FGF12: variants seen among roughly 807,000 people sequenced by gnomAD.
The protein encoded by FGF12 is fibroblast growth factor 12B.
In FGF12, 14 loss-of-function variants were observed where a neutral mutation model predicts 23.6. That is an observed-to-expected ratio of 0.59 (90% CI 0.39 to 0.93). The LOEUF is 0.93. Among genes scored for constraint, FGF12 ranks in the 40% least tolerant of loss-of-function variants. FGF12 has a pLI of 0.00. For synonymous variants in FGF12, 62 were observed against 77.3 expected (o/e 0.80, Z 1.04); for missense variants, 175 against 217.8 (o/e 0.80, Z 1.24).
At chr3:192,602,024 T>C (rs1361207788) in intron 2 of FGF12, among the ~76,000 whole-genome samples, 4 of 152,124 alleles carry the variant, frequency 2.6e-5, no homozygotes, top group African/African-American at 7.2e-5. Context: ...TAAAGGTGGA[T>C]ACATGTCATT....
chr3:192,422,456 G>T (rs1186234349), intron 2 of FGF12, among the ~76,000 whole-genome samples: 1 of 152,074 alleles, frequency 6.6e-6, no homozygotes, highest in East Asian at 1.9e-4. Flanking sequence ...GTTAACTAAA[G>T]TGAAAAGAGC....
At chr3:192,659,706 G>A (rs9824137) in intron 2 of FGF12, among the ~76,000 whole-genome samples, 3 of 151,824 alleles carry the variant, frequency 2.0e-5, no homozygotes, top group Non-Finnish European at 2.9e-5. Context: ...GTTCTAGATC[G>A]TTGAGGAATC....
chr3:192,691,676 G>C (rs1435134234), intron 2 of FGF12, among the ~76,000 whole-genome samples: 3 of 151,748 alleles, frequency 2.0e-5, no homozygotes, highest in Non-Finnish European at 2.9e-5. Context: ...AAGAAAAAAA[G>C]TAATAAAGCT....
chr3:192,147,688 C>T (rs565352081), intron 5 of FGF12, among the ~76,000 whole-genome samples: 1 of 152,164 alleles, frequency 6.6e-6, no homozygotes, highest in African/African-American at 2.4e-5. Context: ...AATTAAGCCA[C>T]TTCCATAAAG....
At chr3:192,666,535 G>A (rs1716878601) in intron 2 of FGF12, among the ~76,000 whole-genome samples, 1 of 152,154 alleles carries the variant, frequency 6.6e-6, no homozygotes, top group Non-Finnish European at 1.5e-5. Context: ...GAAACACAGG[G>A]CTCACCTATT....
rs941819544 is a variant in FGF12 at position 192,561,702 on chromosome 3, T to C, written c.13+165479A>G. Among the ~76,000 whole-genome samples the C allele has an allele frequency of 4.6e-5, 7 of 152,262 alleles. No individual in the cohort carries two copies. In the East Asian group the frequency reaches 9.7e-4, roughly 21 times the overall value. Reference sequence around the variant, plus strand: ...TGAGGATACAGACCAACTGCAACTCTCATACATTGGGAGTGTACTATGTTA... The same window carrying C: ...TGAGGATACAGACCAACTGCAACTCCCATACATTGGGAGTGTACTATGTTA... On this transcript the variant is annotated intron_variant, in intron 2 of 5. Coordinates refer to ENST00000445105, the MANE Select transcript of FGF12 (RefSeq NM_004113.6).
At chr3:192,199,950 C>A (rs879503634) in intron 4 of FGF12, among the ~76,000 whole-genome samples, 3 of 152,016 alleles carry the variant, frequency 2.0e-5, no homozygotes, top group Non-Finnish European at 4.4e-5. Flanking sequence ...ATTTTCAAGT[C>A]GATTTCTTAG....
intron 4 of FGF12, among the ~76,000 whole-genome samples, chr3:192,248,722 G>T (rs1711805760): frequency 6.6e-6 from 1 of 152,216 alleles, no homozygotes; most frequent in Non-Finnish European, 1.5e-5. Context: ...CCAGGCAGCA[G>T]TGAGCGGTGA....
chr3:192,283,650 G>A (rs1174979022), intron 4 of FGF12, among the ~76,000 whole-genome samples: 5 of 151,994 alleles, frequency 3.3e-5, no homozygotes, highest in Non-Finnish European at 2.9e-5. Context: ...CAGAGAAGCC[G>A]ATTTTCAGTC....
intron 2 of FGF12, among the ~76,000 whole-genome samples, chr3:192,716,556 A>G (rs1718872908): frequency 6.6e-6 from 1 of 152,208 alleles, no homozygotes; most frequent in African/African-American, 2.4e-5. Context: ...ACAGATAAAA[A>G]TGAGCAAAAT....
chr3:192,711,656 G>A (rs571019152), intron 2 of FGF12, among the ~76,000 whole-genome samples: 4 of 152,118 alleles, frequency 2.6e-5, no homozygotes, highest in South Asian at 2.1e-4. Flanking sequence ...CCCCCAACCC[G>A]GTGCTCTCTG....
At chr3:192,298,539 G>A (rs920987138) in intron 4 of FGF12, among the ~76,000 whole-genome samples, 4 of 152,142 alleles carry the variant, frequency 2.6e-5, no homozygotes, top group African/African-American at 9.7e-5. Flanking sequence ...GATCACTTGA[G>A]GTCAGGAGTT....
At chr3:192,526,858 G>A (rs557576294) in intron 2 of FGF12, among the ~76,000 whole-genome samples, 17 of 152,214 alleles carry the variant, frequency 1.1e-4, no homozygotes, top group East Asian at 1.9e-4. Flanking sequence ...AGCAGTATGC[G>A]TCATGCCTTC....
intron 4 of FGF12, among the ~76,000 whole-genome samples, chr3:192,235,475 C>T (rs368067446): frequency 1.9e-4 from 29 of 152,090 alleles, no homozygotes; most frequent in African/African-American, 6.8e-4. Context: ...AGGTGCATGC[C>T]ACCACACCCA....
chr3:192,269,625 A>T (rs1028290948), intron 4 of FGF12, among the ~76,000 whole-genome samples: 7 of 152,218 alleles, frequency 4.6e-5, no homozygotes, highest in African/African-American at 1.7e-4. Context: ...TATATTTATT[A>T]TGACTAGTTA....
At chr3:192,724,785 G>A (rs1719157009) in intron 2 of FGF12, among the ~76,000 whole-genome samples, 1 of 152,100 alleles carries the variant, frequency 6.6e-6, no homozygotes, top group African/African-American at 2.4e-5. Context: ...CTGGATGCTG[G>A]ACAAATGCTC....
intron 2 of FGF12, among the ~76,000 whole-genome samples, chr3:192,389,351 G>A (rs1476493803): frequency 1.3e-5 from 2 of 152,156 alleles, no homozygotes; most frequent in African/African-American, 4.8e-5. Context: ...TACAGAGTGA[G>A]ACTCCATCTC....
intron 2 of FGF12, among the ~76,000 whole-genome samples, chr3:192,435,195 T>C (rs1400599459): frequency 1.3e-5 from 2 of 152,194 alleles, no homozygotes; most frequent in East Asian, 1.9e-4. Flanking sequence ...TAGAAGAACA[T>C]TCCAGGCTGT....
intron 2 of FGF12, among the ~76,000 whole-genome samples, chr3:192,380,834 C>T (rs1023379981): frequency 1.9e-4 from 29 of 151,928 alleles, no homozygotes; most frequent in African/African-American, 6.5e-4. Context: ...AATGCAAACC[C>T]CACGTAAGTA....
Sources: gnomAD v4.1 joint callset for allele counts (sites outside exome capture counted in the v4.1 genomes callset) on GRCh38, gnomAD v4.1.1 for gene constraint, MANE v1.5 for transcripts, NCBI Gene and HGNC (gene_info 2026-07-23, HGNC 2026-07-21) for gene names.